Variants in MKLN1 observed in about 807,000 individuals in gnomAD.
MKLN1 encodes the protein muskelin 1.
Under a neutral mutation model 99.0 loss-of-function variants are expected in MKLN1, and 18 were observed. That is an observed-to-expected ratio of 0.18 (90% confidence interval 0.13 to 0.27). The LOEUF is 0.27. MKLN1 is among the 10% of genes least tolerant of loss of function. The probability of loss-of-function intolerance (pLI) is 1.00; values close to 1 mark genes in which losing one functional copy is unlikely to be tolerated. For synonymous variants in MKLN1, 288 were observed against 293.2 expected (o/e 0.98, Z 0.18); for missense variants, 621 against 875.9 (o/e 0.71, Z 3.67).
At chr7:131,428,015 A>G (rs1273179969) in intron 8 of MKLN1, among the ~76,000 whole-genome samples, 1 of 151,866 alleles carries the variant, frequency 6.6e-6, no homozygotes, top group African/African-American at 2.4e-5. Context: ...CACCCCCCCA[A>G]AAAAAGTTAG....
chr7:131,192,177 T>C (rs1796563956), intron 2 of MKLN1, among the ~76,000 whole-genome samples: 1 of 82,284 alleles, frequency 1.2e-5, no homozygotes, highest in Admixed American at 1.6e-4. Flanking sequence ...GTATAATATA[T>C]AAAAATATAT....
chr7:131,159,679 T>A (rs755206367), intron 2 of MKLN1, among the ~76,000 whole-genome samples: 68 of 152,256 alleles, frequency 4.5e-4, no homozygotes, highest in African/African-American at 1.6e-3. Context: ...TAAAGTTGAC[T>A]ATAATTTATT....
intron 3 of MKLN1, among the ~76,000 whole-genome samples, chr7:131,305,409 T>A (rs1798439183): frequency 6.6e-6 from 1 of 152,228 alleles, no homozygotes; most frequent in Admixed American, 6.5e-5. Flanking sequence ...TATAGCAACT[T>A]ATTTGGGAAG....
intron 1 of MKLN1, among the ~76,000 whole-genome samples, chr7:131,364,196 G>GA (rs1478261284): frequency 6.6e-6 from 1 of 151,696 alleles, no homozygotes; most frequent in South Asian, 2.1e-4. Context: ...AGTCTTTTAA[G>GA]AAAAAAACGT....
chr7:131,217,732 G>C (rs1025470317), intron 3 of MKLN1, among the ~76,000 whole-genome samples: 3 of 152,088 alleles, frequency 2.0e-5, no homozygotes, highest in Admixed American at 6.6e-5. Flanking sequence ...GATGGGATAG[G>C]CTCCTTAAAA....
chr7:131,315,466 A>G (rs1798648701), intron 3 of MKLN1, among the ~76,000 whole-genome samples: 1 of 152,066 alleles, frequency 6.6e-6, no homozygotes, highest in Admixed American at 6.6e-5. Flanking sequence ...TCAAGCACAA[A>G]ACCAGGAGGC....
chr7:131,474,085 G>A (rs2116656576), intron 16 of MKLN1, among the ~76,000 whole-genome samples: 1 of 152,298 alleles, frequency 6.6e-6, no homozygotes, highest in South Asian at 2.1e-4. Flanking sequence ...GGGAGGTGGA[G>A]GTTGCAGTGA....
chr7:131,404,598 TTTTTC>T (rs1170397467), intron 6 of MKLN1, among the ~76,000 whole-genome samples: 4 of 152,214 alleles, frequency 2.6e-5, no homozygotes, highest in Non-Finnish European at 4.4e-5. Context: ...TTGTTTTCTC[TTTTTC>T]TTTTCTTTTC....
chr7:131,380,248 T>G (rs1362861801), intron 2 of MKLN1, among the ~76,000 whole-genome samples: 1 of 152,202 alleles, frequency 6.6e-6, no homozygotes, highest in Non-Finnish European at 1.5e-5. Context: ...AGGAAGCTGA[T>G]ACCCTAGGCA....
intron 2 of MKLN1, among the ~76,000 whole-genome samples, chr7:131,162,174 T>C (rs1796064726): frequency 6.6e-6 from 1 of 151,854 alleles, no homozygotes; most frequent in African/African-American, 2.4e-5. Flanking sequence ...TGCCTCAGCC[T>C]CTGGAGTAGC....
chr7:131,417,133 T>A (rs1795043129), intron 8 of MKLN1, among the ~76,000 whole-genome samples: 1 of 152,300 alleles, frequency 6.6e-6, no homozygotes, highest in East Asian at 1.9e-4. Flanking sequence ...AGTAATCTCT[T>A]TTTGATAGCT....
At chr7:131,181,916 T>A (rs1019297966) in intron 2 of MKLN1, among the ~76,000 whole-genome samples, 2 of 152,156 alleles carry the variant, frequency 1.3e-5, no homozygotes, top group Non-Finnish European at 2.9e-5. Flanking sequence ...TGCCTTGGCC[T>A]CCCAAAGTGC....
At chr7:131,203,309 A>G (rs1796758165) in intron 3 of MKLN1, among the ~76,000 whole-genome samples, 1 of 152,188 alleles carries the variant, frequency 6.6e-6, no homozygotes, top group Admixed American at 6.5e-5. Context: ...CTTTTTTGTC[A>G]TGTTAGAAGT....
chr7:131,368,973 G>C (rs904409530), intron 1 of MKLN1, among the ~76,000 whole-genome samples: 3 of 150,868 alleles, frequency 2.0e-5, no homozygotes, highest in African/African-American at 7.3e-5. Flanking sequence ...GATGTAAATT[G>C]GATCATATAC....
At chr7:131,199,882 G>A (rs1584828610) in intron 2 of MKLN1, among the ~76,000 whole-genome samples, 1 of 151,956 alleles carries the variant, frequency 6.6e-6, no homozygotes, top group African/African-American at 2.4e-5. Flanking sequence ...TTTTTTAGAG[G>A]AGACGGGGCT....
chr7:131,364,468 G>GTT (rs75070902), intron 1 of MKLN1, among the ~76,000 whole-genome samples: 6 of 143,582 alleles, frequency 4.2e-5, no homozygotes, highest in Non-Finnish European at 7.7e-5. Flanking sequence ...AAGGACTTTG[G>GTT]TTTTTTTTTT....
At chr7:131,242,622 G>T (rs983029842) in intron 3 of MKLN1, 10 of 519,968 alleles carry the variant, frequency 1.9e-5, no homozygotes, top group Admixed American at 1.7e-4. Context: ...TGGGACGGTG[G>T]TGCTTGTTCT....
chr7:131,323,093 A>G (rs1798816706), upstream of MKLN1, among the ~76,000 whole-genome samples: 1 of 152,186 alleles, frequency 6.6e-6, no homozygotes, highest in African/African-American at 2.4e-5. Flanking sequence ...TTGGATCTGC[A>G]TTTTTATAGT....
intron 1 of MKLN1, among the ~76,000 whole-genome samples, chr7:131,357,616 A>G (rs1441583639): frequency 6.6e-6 from 1 of 152,150 alleles, no homozygotes; most frequent in African/African-American, 2.4e-5. Context: ...ATTATAATCC[A>G]GTACTACTTT....
Sources: allele counts gnomAD v4.1 joint callset (sites outside exome capture counted in the v4.1 genomes callset), GRCh38; gene constraint gnomAD v4.1.1; transcripts MANE v1.5; gene names NCBI Gene and HGNC (gene_info 2026-07-23, HGNC 2026-07-21).